CDKL5: variants seen among roughly 807,000 people sequenced by gnomAD.
The protein encoded by CDKL5 is cyclin-dependent kinase-like 5.
Under a neutral mutation model 61.7 loss-of-function variants are expected in CDKL5, and 8 were observed. The ratio of observed to expected loss-of-function variants is 0.13; its 90% CI spans 0.08 to 0.23. The LOEUF is 0.23. CDKL5 is among the 10% of genes least tolerant of loss of function. CDKL5 has a pLI of 1.00. For missense variants in CDKL5, 440 were observed against 734.5 expected (o/e 0.60, Z 4.63); for synonymous variants, 275 against 272.3 (o/e 1.01, Z -0.10).
intron 1 of CDKL5, among the ~76,000 whole-genome samples, chrX:18,485,789 A>C (rs1384427428): frequency 8.9e-6 from 1 of 112,228 alleles, no homozygotes; most frequent in Non-Finnish European, 1.9e-5. Context: ...CAAGTAAATA[A>C]GTTAGGTTTT....
At chrX:18,650,649 C>G (rs762173324) in intron 21 of CDKL5, 8 of 1,149,050 alleles carry the variant, frequency 7.0e-6, no homozygotes, top group Middle Eastern at 2.4e-4. Context: ...CGGAATTGCC[C>G]GAGGAGCTGT....
At chrX:18,523,396 C>T (rs1185642966) in intron 3 of CDKL5, among the ~76,000 whole-genome samples, 2 of 111,094 alleles carry the variant, frequency 1.8e-5, no homozygotes, top group African/African-American at 6.5e-5. Flanking sequence ...CTTTTGTGTC[C>T]GATTTCTTTC....
intron 1 of CDKL5, among the ~76,000 whole-genome samples, chrX:18,488,991 T>G (rs756199105): frequency 9.8e-5 from 11 of 111,775 alleles, no homozygotes. Context: ...GAAATATATT[T>G]CTCTATTTTG....
intron 3 of CDKL5, among the ~76,000 whole-genome samples, chrX:18,553,853 A>C (rs1188658844): frequency 9.0e-6 from 1 of 111,200 alleles, no homozygotes; most frequent in Non-Finnish European, 1.9e-5. Flanking sequence ...TATTTTCATA[A>C]GACTATCCTC....
intron 3 of CDKL5, among the ~76,000 whole-genome samples, chrX:18,553,494 G>T (rs1924479444): frequency 9.3e-6 from 1 of 107,167 alleles, no homozygotes; most frequent in South Asian, 4.2e-4. Context: ...GTGTGTGTGT[G>T]TGTGTGTGTT....
chrX:18,474,572 T>A (rs1921232157), intron 1 of CDKL5, among the ~76,000 whole-genome samples: 1 of 112,253 alleles, frequency 8.9e-6, no homozygotes, highest in East Asian at 2.8e-4. Context: ...CAAACAATAA[T>A]CAAACACACC....
In CDKL5 at chrX:18,622,918, A is replaced by G. The variant is rs187422909; in HGVS notation, c.2377-2210A>G. On this transcript the variant is annotated intron_variant, in intron 16 of 17. Transcript: ENST00000623535. ...TCATTGGAACAAGAAAATTTGTGGG[A>G]TGTTTTACTCAAATCCCTTTTTACA... Among the ~76,000 whole-genome samples, 98 of 112,184 alleles carry G rather than the reference A, an allele frequency of 8.7e-4. 2 individuals are homozygous for G. Among genetic ancestry groups the G allele is most frequent in the African/African-American group, 3.1e-3 (96 of 30,941 alleles).
chrX:18,521,187 G>A (rs1251659970), intron 3 of CDKL5, among the ~76,000 whole-genome samples: 1 of 112,155 alleles, frequency 8.9e-6, no homozygotes, highest in Admixed American at 9.5e-5. Context: ...TTGGAGAAAT[G>A]TCTATTCCAA....
At chrX:18,600,185 A>G (rs955422038) in intron 11 of CDKL5, among the ~76,000 whole-genome samples, 24 of 112,052 alleles carry the variant, frequency 2.1e-4, no homozygotes, top group African/African-American at 7.8e-4. Context: ...ACTGATGATG[A>G]CCATTTATCG....
rs1358250633 is a variant in CDKL5, at chrX:18,639,810, TCAG to T, written c.*11056_*11058del. 8.9e-6 allele frequency: 1 copy of T among 112,299 alleles called. No homozygotes were observed. Among genetic ancestry groups the T allele is most frequent in the Non-Finnish European group, 1.9e-5 (1 of 53,287 alleles). The allele number at this position is 112,299 out of a possible 1,213,427, so 9.3% of individuals were successfully genotyped here. A position where few individuals can be genotyped will look rare whatever the true frequency, so the allele number is the denominator to read the frequency against. On this transcript the variant is annotated 3_prime_UTR_variant, in exon 18 of 18. Transcript: ENST00000623535. The stretch of plus-strand genomic sequence containing the variant: ...TTGACATGATACTGAACAATGATGT[TCAG>T]CAATAAAAAGGAGTGACAAGTGACA...
chrX:18,511,386 A>AT (rs745518921), intron 3 of CDKL5, among the ~76,000 whole-genome samples: 37 of 105,161 alleles, frequency 3.5e-4, no homozygotes, highest in African/African-American at 7.9e-4. Flanking sequence ...ATCACGTGCT[A>AT]TTTTTTTTTT....
chrX:18,469,884 A>G (rs1281885066), intron 1 of CDKL5, among the ~76,000 whole-genome samples: 1 of 112,182 alleles, frequency 8.9e-6, no homozygotes, highest in Non-Finnish European at 1.9e-5. Flanking sequence ...TCCCCAAATG[A>G]CAAATTGATT....
downstream of CDKL5, among the ~76,000 whole-genome samples, chrX:18,642,962 T>A (rs1374633939): frequency 9.0e-6 from 1 of 111,092 alleles, no homozygotes; most frequent in African/African-American, 3.3e-5. Context: ...GGAGAATTAC[T>A]TGAACCCGGG....
In CDKL5 at chrX:18,518,388, A is replaced by ATTTTTT. The variant is rs779361711; in HGVS notation, c.99+7564_99+7569dup. ...AAGTCATGTTTTCTTTTCTTTTCTT[A>ATTTTTT]TTTTTTTTTTTTTTTTTTTTTTTTT... On this transcript the variant is annotated intron_variant, in intron 3 of 17. Transcript: ENST00000623535. 8.3e-3 allele frequency among the ~76,000 whole-genome samples: 176 copies of ATTTTTT among 21,175 alleles called. 23 individuals carry two copies. The highest frequency in any genetic ancestry group is 0.011 in the Non-Finnish European group (131 of 11,613). 18.4% of individuals were successfully genotyped at this position (21,175 alleles called of 115,157 possible).
intron 11 of CDKL5, among the ~76,000 whole-genome samples, chrX:18,602,336 G>A (rs770281213): frequency 2.7e-5 from 3 of 112,499 alleles, no homozygotes; most frequent in Non-Finnish European, 5.6e-5. Flanking sequence ...CAGTTACCAA[G>A]ATATAAGTTG....
intron 1 of CDKL5, among the ~76,000 whole-genome samples, chrX:18,431,558 A>T (rs1931490346): frequency 9.3e-6 from 1 of 107,920 alleles, no homozygotes; most frequent in African/African-American, 3.4e-5. Context: ...AGTAGCTGGG[A>T]CTACAGGCGC....
In CDKL5 at chrX:18,637,873, GAATCTTT is replaced by G. The variant is rs1215049736; in HGVS notation, c.*9120_*9126del. 8.9e-6 allele frequency: 1 copy of G among 112,274 alleles called. No homozygotes were observed. Among genetic ancestry groups the G allele is most frequent in the African/African-American group, 3.2e-5 (1 of 30,927 alleles). 9.3% of individuals were successfully genotyped at this position (112,274 alleles called of 1,213,427 possible). ...CAGGAAATTGAGAAGGAATGTCACT[GAATCTTT>G]AATGCCAGTTACACAGAGCTCAGTA... On this transcript the variant is annotated 3_prime_UTR_variant, in exon 18 of 18. Coordinates refer to ENST00000623535, the MANE Select transcript of CDKL5 (RefSeq NM_001323289.2).
intron 3 of CDKL5, among the ~76,000 whole-genome samples, chrX:18,519,998 G>T (rs1380581256): frequency 9.0e-6 from 1 of 111,701 alleles, no homozygotes; most frequent in African/African-American, 3.3e-5. Flanking sequence ...ACTGGTGCTC[G>T]AATAGGTTAA....
In CDKL5 at chrX:18,629,639, C is replaced by T. The variant is rs1416051338; in HGVS notation, c.*882C>T. The stretch of plus-strand genomic sequence containing the variant: ...GTATGAACCTTGCTCAACTTTGAGG[C>T]CCCAGCAGTAGCCTCTAGACATGAT... On this transcript the variant is annotated 3_prime_UTR_variant, in exon 18 of 18. Coordinates refer to ENST00000623535, the MANE Select transcript of CDKL5 (RefSeq NM_001323289.2). 1.3e-6 allele frequency: 1 copy of T among 751,878 alleles called. No individual in the cohort carries two copies. The highest frequency in any genetic ancestry group is 1.6e-6 in the Non-Finnish European group (1 of 638,872). 62.0% of individuals were successfully genotyped at this position (751,878 alleles called of 1,213,427 possible).
Sources: gnomAD v4.1 joint callset for allele counts (sites outside exome capture counted in the v4.1 genomes callset) on GRCh38, gnomAD v4.1.1 for gene constraint, MANE v1.5 for transcripts, NCBI Gene and HGNC (gene_info 2026-07-23, HGNC 2026-07-21) for gene names.